HS3ST4: variants seen among roughly 807,000 people sequenced by gnomAD.
The protein encoded by HS3ST4 is heparan sulfate glucosamine 3-O-sulfotransferase 4.
Under a neutral mutation model 29.2 loss-of-function variants are expected in HS3ST4, and 17 were observed. The ratio of observed to expected loss-of-function variants is 0.58; its 90% CI spans 0.40 to 0.87. The LOEUF (loss-of-function observed/expected upper bound fraction) is 0.87, where lower values mean the gene tolerates loss of function less well. Ranked by LOEUF, HS3ST4 falls within the 40% of genes least tolerant of loss-of-function variation. The probability of loss-of-function intolerance (pLI) is 0.00; values close to 1 mark genes in which losing one functional copy is unlikely to be tolerated. For synonymous variants in HS3ST4, 314 were observed against 285.7 expected (o/e 1.10, Z -1.00); for missense variants, 627 against 634.5 (o/e 0.99, Z 0.13).
chr16:25,929,010 A>G (rs766899068), intron 1 of HS3ST4, among the ~76,000 whole-genome samples: 1 of 152,178 alleles, frequency 6.6e-6, no homozygotes, highest in East Asian at 1.9e-4. Flanking sequence ...AAGAGTGAAC[A>G]TAGGAAACAC....
intron 1 of HS3ST4, among the ~76,000 whole-genome samples, chr16:26,061,960 T>A (rs996854812): frequency 6.6e-6 from 1 of 152,246 alleles, no homozygotes; most frequent in Non-Finnish European, 1.5e-5. Context: ...CTAGTTGGAC[T>A]GATTTAGGTC....
At chr16:26,049,042 T>C (rs1898303930) in intron 1 of HS3ST4, among the ~76,000 whole-genome samples, 1 of 152,112 alleles carries the variant, frequency 6.6e-6, no homozygotes, top group African/African-American at 2.4e-5. Flanking sequence ...TACTCTTTTG[T>C]TTTCACCTTA....
chr16:25,814,436 TC>T (rs1387070837), intron 1 of HS3ST4, among the ~76,000 whole-genome samples: 2 of 152,130 alleles, frequency 1.3e-5, no homozygotes, highest in Admixed American at 6.6e-5. Context: ...AACCTCTGCT[TC>T]CCGGATTTAA....
At chr16:26,036,645 C>A (rs1353943988) in intron 1 of HS3ST4, among the ~76,000 whole-genome samples, 1 of 152,176 alleles carries the variant, frequency 6.6e-6, no homozygotes, top group East Asian at 1.9e-4. Flanking sequence ...TTCCATCTCC[C>A]ATGTCTCTCC....
At chr16:26,112,699 T>G (rs1174782004) in intron 1 of HS3ST4, among the ~76,000 whole-genome samples, 1 of 151,288 alleles carries the variant, frequency 6.6e-6, no homozygotes, top group African/African-American at 2.4e-5. Flanking sequence ...AAAAAAACAA[T>G]TTGAAAGAAA....
intron 1 of HS3ST4, among the ~76,000 whole-genome samples, chr16:26,025,768 T>A (rs1330718099): frequency 6.6e-6 from 1 of 152,096 alleles, no homozygotes; most frequent in Non-Finnish European, 1.5e-5. Context: ...CACCCTTTTT[T>A]TGTTCCTTTG....
At chr16:25,827,546 AAC>A (rs146552644) in intron 1 of HS3ST4, among the ~76,000 whole-genome samples, 13 of 134,158 alleles carry the variant, frequency 9.7e-5, no homozygotes, top group South Asian at 6.8e-4. Context: ...AAAAAAAAAA[AAC>A]AACAACAAGC....
At position 25,821,643 on chromosome 16, in the gene HS3ST4, G is replaced by A. The variant is rs202161861; in HGVS notation, c.734+128492G>A. On this transcript the variant is annotated intron_variant, in intron 1 of 1. Transcript: ENST00000331351. The stretch of plus-strand genomic sequence containing the variant: ...TAAAATTGCTTTTAGAAAGGCTTTC[G>A]CTGCTGGGCACGGTGGCTCACACCT... Among the ~76,000 whole-genome samples, 11 of 151,866 alleles carry A rather than the reference G, an allele frequency of 7.2e-5. No individual in the cohort carries two copies. The East Asian group carries it at 9.7e-4, about 13-fold the overall frequency.
intron 1 of HS3ST4, among the ~76,000 whole-genome samples, chr16:26,020,970 C>T (rs577962864): frequency 1.3e-5 from 2 of 152,292 alleles, no homozygotes; most frequent in Admixed American, 6.5e-5. Context: ...GTTCTTGCCT[C>T]ATAAAGGAAT....
intron 1 of HS3ST4, among the ~76,000 whole-genome samples, chr16:26,054,321 A>AAGAAGAAG (rs1898381889): frequency 6.8e-6 from 1 of 147,988 alleles, no homozygotes; most frequent in Non-Finnish European, 1.5e-5. Flanking sequence ...GAAGAAGAAG[A>AAGAAGAAG]AGAAGAAGAG....
intron 1 of HS3ST4, among the ~76,000 whole-genome samples, chr16:25,991,953 A>G (rs912274425): frequency 1.3e-5 from 2 of 152,168 alleles, no homozygotes; most frequent in African/African-American, 4.8e-5. Context: ...CCCGGGAGGC[A>G]GAGCTTATAG....
chr16:25,768,855 T>C (rs1966837329), intron 1 of HS3ST4, among the ~76,000 whole-genome samples: 1 of 152,164 alleles, frequency 6.6e-6, no homozygotes, highest in South Asian at 2.1e-4. Flanking sequence ...CTTTAAAAGA[T>C]GGAACAGCAT....
At chr16:25,732,087 C>A (rs1036681448) in intron 1 of HS3ST4, among the ~76,000 whole-genome samples, 1 of 152,148 alleles carries the variant, frequency 6.6e-6, no homozygotes, top group Non-Finnish European at 1.5e-5. Flanking sequence ...GATGGTCTGA[C>A]AATTGCTTTA....
chr16:25,982,469 C>A lies in HS3ST4; in HGVS notation c.735-153143C>A, dbSNP rs182211141. Among the ~76,000 whole-genome samples, 8 of 152,212 alleles carry A rather than the reference C, an allele frequency of 5.3e-5. No individual in the cohort carries two copies. In the East Asian group the frequency reaches 1.2e-3, roughly 22 times the overall value. Reference sequence around the variant, plus strand: ...AGGTGTCTGGATTTACTTTTTGGGGCCAAATGCCTCCCCAGCCACAGCTCT... The same window carrying A: ...AGGTGTCTGGATTTACTTTTTGGGGACAAATGCCTCCCCAGCCACAGCTCT... On this transcript the variant is annotated intron_variant, in intron 1 of 1. Coordinates refer to ENST00000331351, the MANE Select transcript of HS3ST4 (RefSeq NM_006040.3).
intron 1 of HS3ST4, among the ~76,000 whole-genome samples, chr16:25,804,175 G>A (rs1054203230): frequency 9.2e-5 from 14 of 152,146 alleles, no homozygotes; most frequent in African/African-American, 3.4e-4. Context: ...GTGTAGTCAT[G>A]TTAATATGAA....
intron 1 of HS3ST4, among the ~76,000 whole-genome samples, chr16:26,074,015 T>C (rs60543567): frequency 0.33 from 50,506 of 152,046 alleles, 8,704 homozygotes; most frequent in South Asian, 0.4. Context: ...CATCAAGACC[T>C]TGCATTATTT....
chr16:25,939,158 G>A (rs1176912341), intron 1 of HS3ST4, among the ~76,000 whole-genome samples: 4 of 152,052 alleles, frequency 2.6e-5, no homozygotes, highest in Admixed American at 2.6e-4. Flanking sequence ...GGGGATGGTG[G>A]TGGGGAATAG....
At chr16:25,895,805 C>T (rs1044522132) in intron 1 of HS3ST4, among the ~76,000 whole-genome samples, 3 of 152,030 alleles carry the variant, frequency 2.0e-5, no homozygotes, top group Non-Finnish European at 4.4e-5. Context: ...AGATTTCATT[C>T]CTGAGGGCCC....
chr16:25,871,058 C>A (rs1967746757), intron 1 of HS3ST4, among the ~76,000 whole-genome samples: 2 of 151,970 alleles, frequency 1.3e-5, no homozygotes, highest in South Asian at 4.2e-4. Context: ...AATACATTGC[C>A]CAAGAGTATG....
Sources: gnomAD v4.1 joint callset for allele counts (sites outside exome capture counted in the v4.1 genomes callset) on GRCh38, gnomAD v4.1.1 for gene constraint, MANE v1.5 for transcripts, NCBI Gene and HGNC (gene_info 2026-07-23, HGNC 2026-07-21) for gene names.